Variants in ADAMTS20 observed in about 807,000 individuals in gnomAD.
The protein encoded by ADAMTS20 is A disintegrin and metalloproteinase with thrombospondin motifs 20.
In ADAMTS20, 225 loss-of-function variants were observed where a neutral mutation model predicts 260.1. That is an observed-to-expected ratio of 0.87 (90% CI 0.78 to 0.97). The LOEUF is 0.97. ADAMTS20 is among the 50% of genes least tolerant of loss of function. The pLI is 0.00. For synonymous variants in ADAMTS20, 802 were observed against 769.5 expected, an observed-to-expected ratio of 1.04 and a Z score of -0.70; for missense variants, 2,400 against 2,337.7, an observed-to-expected ratio of 1.03 and a Z score of -0.55.
intron 28 of ADAMTS20, among the ~76,000 whole-genome samples, chr12:43,421,969 G>C (rs1192030003): frequency 1.3e-5 from 2 of 151,828 alleles, no homozygotes; most frequent in Admixed American, 1.3e-4. Flanking sequence ...GATCTGTTCA[G>C]TGACTCGGAA....
chr12:43,376,699 A>G, intron 32 of ADAMTS20, 46 bp from the exon 33 acceptor site: 2 of 1,563,416 alleles, frequency 1.3e-6, no homozygotes, highest in African/African-American at 2.7e-5. Flanking sequence ...TATGAATCTT[A>G]AGGCCATAAA....
intron 37 of ADAMTS20, among the ~76,000 whole-genome samples, chr12:43,363,493 T>C (rs1939918950): frequency 6.6e-6 from 1 of 152,156 alleles, no homozygotes; most frequent in Non-Finnish European, 1.5e-5. Context: ...CAGGGATTAC[T>C]GCCATGACTC....
chr12:43,486,191 T>A (rs983272912), intron 7 of ADAMTS20, among the ~76,000 whole-genome samples: 1 of 152,046 alleles, frequency 6.6e-6, no homozygotes, highest in African/African-American at 2.4e-5. Flanking sequence ...TACAAGGCTA[T>A]AGTAACCAAA....
At chr12:43,488,705 T>C (rs976898001) in intron 7 of ADAMTS20, among the ~76,000 whole-genome samples, 1 of 152,168 alleles carries the variant, frequency 6.6e-6, no homozygotes, top group African/African-American at 2.4e-5. Flanking sequence ...TTACGTTAAA[T>C]AAACAATGTG....
intron 3 of ADAMTS20, among the ~76,000 whole-genome samples, chr12:43,503,593 G>A (rs993860775): frequency 4.0e-5 from 6 of 151,518 alleles, no homozygotes; most frequent in African/African-American, 1.2e-4. Flanking sequence ...AGGTTCAGGC[G>A]TACATGTGCA....
rs773654531 is a variant in ADAMTS20, at chr12:43,434,387, A to G, written c.2594-16T>C. The stretch of plus-strand genomic sequence containing the variant: ...CGCTGAAGACCTTGGCCAAAGTCAA[A>G]TGAAAATAAAAAATGAAAGAAAAAT... On this transcript the variant is annotated splice_polypyrimidine_tract_variant and intron_variant, in intron 18 of 38. Transcript: ENST00000389420. The G allele has an allele frequency of 9.7e-6, 15 of 1,554,174 alleles. No homozygotes were observed. The highest frequency in any genetic ancestry group is 1.2e-5 in the Non-Finnish European group (14 of 1,150,448).
chr12:43,444,442 C>G (rs962535380), intron 15 of ADAMTS20, among the ~76,000 whole-genome samples: 2 of 151,968 alleles, frequency 1.3e-5, no homozygotes, highest in African/African-American at 4.8e-5. Flanking sequence ...TTCATCTATT[C>G]CCCAAATTTT....
At chr12:43,550,217 C>T (rs963833220) in intron 2 of ADAMTS20, among the ~76,000 whole-genome samples, 7 of 152,184 alleles carry the variant, frequency 4.6e-5, no homozygotes, top group Non-Finnish European at 1.0e-4. Flanking sequence ...GGTGAAACCA[C>T]AGACACTGTG....
chr12:43,502,120 G>C (rs770059620), intron 4 of ADAMTS20, 32 bp downstream of exon 4: 18 of 1,496,678 alleles, frequency 1.2e-5, no homozygotes, highest in Non-Finnish European at 5.3e-6. Context: ...AAACATTTTA[G>C]GAAATATAAA....
At chr12:43,471,225 G>C (rs994115438) in intron 7 of ADAMTS20, among the ~76,000 whole-genome samples, 2 of 152,100 alleles carry the variant, frequency 1.3e-5, no homozygotes, top group African/African-American at 2.4e-5. Context: ...AAGGGGTGAC[G>C]GACGCACCTG....
intron 3 of ADAMTS20, among the ~76,000 whole-genome samples, chr12:43,518,461 T>A (rs1376322301): frequency 6.6e-6 from 1 of 152,132 alleles, no homozygotes; most frequent in African/African-American, 2.4e-5. Flanking sequence ...ATCTTCCTAG[T>A]TGATTTCTCC....
intron 2 of ADAMTS20, among the ~76,000 whole-genome samples, chr12:43,548,217 C>T (rs1372409210): frequency 2.0e-5 from 3 of 152,116 alleles, no homozygotes. Flanking sequence ...AAGAAGAGAA[C>T]ATCTCTAAAT....
In ADAMTS20 at chr12:43,425,625, T is replaced by C; in HGVS notation, c.4173A>G (p.Gln1391=). The change falls in exon 28 of 39, where the codon CAA becomes CAG. Residue 1391 remains glutamine, a synonymous_variant. Coordinates refer to ENST00000389420, the MANE Select transcript of ADAMTS20 (RefSeq NM_025003.5). ...RLVICQFPNG[Q]ILEDHNCEIV... ...TTTCACAGTTGTGATCTTCTAATATTTGGCCATTGGGAAATTGACATATTA... is the reference window on the plus strand; with the variant it reads ...TTTCACAGTTGTGATCTTCTAATATCTGGCCATTGGGAAATTGACATATTA... 6.2e-7 allele frequency: 1 copy of C among 1,611,274 alleles called. No individual in the cohort carries two copies. The highest frequency in any genetic ancestry group is 8.5e-7 in the Non-Finnish European group (1 of 1,178,272).
chr12:43,490,326 C>A (rs1207169897), intron 7 of ADAMTS20, 69 bp downstream of exon 7: 2 of 787,344 alleles, frequency 2.5e-6, no homozygotes, highest in South Asian at 4.4e-5. Flanking sequence ...TGGAAAATAG[C>A]CTAAACATTA....
intron 3 of ADAMTS20, among the ~76,000 whole-genome samples, chr12:43,519,832 A>C (rs1943047500): frequency 6.6e-6 from 1 of 152,192 alleles, no homozygotes; most frequent in Non-Finnish European, 1.5e-5. Context: ...GCTGTTGTAC[A>C]ATCAGATTTT....
intron 28 of ADAMTS20, among the ~76,000 whole-genome samples, chr12:43,425,055 T>C (rs1941304710): frequency 2.6e-5 from 4 of 152,142 alleles, no homozygotes; most frequent in African/African-American, 9.7e-5. Context: ...ATACCATACA[T>C]AGCACAGAAT....
At chr12:43,375,230 G>T in intron 36 of ADAMTS20, 149 bp downstream of exon 36, 290 of 409,304 alleles carry the variant, frequency 7.1e-4, no homozygotes, top group East Asian at 1.9e-3. Context: ...GAGGAAGTAT[G>T]TAGCTAACTG....
chr12:43,532,020 C>T lies in ADAMTS20; in HGVS notation c.613+16G>A. ...TATCACTATTTAGCTGAAAAGAGTT[C>T]TATTTCACAGTTTACCTGACACACT... On this transcript the variant is annotated intron_variant, in intron 3 of 38. Transcript: ENST00000389420. 6.8e-7 allele frequency: 1 copy of T among 1,471,872 alleles called. No individual in the cohort carries two copies. The highest frequency in any genetic ancestry group is 9.0e-7 in the Non-Finnish European group (1 of 1,105,150). The allele number at this position is 1,471,872 out of a possible 1,614,324, so 91.2% of individuals were successfully genotyped here.
chr12:43,377,898 G>C (rs1332939241), intron 31 of ADAMTS20, among the ~76,000 whole-genome samples: 1 of 152,032 alleles, frequency 6.6e-6, no homozygotes, highest in Non-Finnish European at 1.5e-5. Context: ...AACATTTTGA[G>C]GGTCCTTACT....
Sources: allele counts gnomAD v4.1 joint callset (sites outside exome capture counted in the v4.1 genomes callset), GRCh38; gene constraint gnomAD v4.1.1; transcripts MANE v1.5; gene names NCBI Gene and HGNC (gene_info 2026-07-23, HGNC 2026-07-21).